Variants in NBAS observed in about 807,000 individuals in gnomAD.
NBAS encodes NBAS subunit of NRZ tethering complex.
In NBAS, 219 loss-of-function variants were observed where a neutral mutation model predicts 302.5. The ratio of observed to expected loss-of-function variants is 0.72; its 90% confidence interval spans 0.65 to 0.81. NBAS has a LOEUF of 0.81. NBAS is among the 30% of genes least tolerant of loss of function. The pLI is 0.00. For missense variants in NBAS, 2,932 were observed against 2,841.6 expected, an observed-to-expected ratio of 1.03 and a Z score of -0.72; for synonymous variants, 1,118 against 1,021.6, an observed-to-expected ratio of 1.09 and a Z score of -1.80.
the NBAS span, among the ~76,000 whole-genome samples, chr2:15,005,399 T>C: frequency 1.3e-5 from 2 of 152,218 alleles, no homozygotes; most frequent in Admixed American, 6.5e-5. Flanking sequence ...GGAAGAGCGA[T>C]TCATTTAGTT....
chr2:14,897,034 G>A, the NBAS span, among the ~76,000 whole-genome samples: 2 of 151,382 alleles, frequency 1.3e-5, no homozygotes, highest in Non-Finnish European at 2.9e-5. Context: ...GCAGTAATTC[G>A]TGAGCCCCTA....
At chr2:15,315,346 C>G (rs560976973) in intron 38 of NBAS, among the ~76,000 whole-genome samples, 1 of 151,978 alleles carries the variant, frequency 6.6e-6, no homozygotes, top group African/African-American at 2.4e-5. Context: ...CAGGAGTGTA[C>G]GGGAGTGAAC....
chr2:14,957,693 G>T, the NBAS span, among the ~76,000 whole-genome samples: 1 of 152,094 alleles, frequency 6.6e-6, no homozygotes, highest in Non-Finnish European at 1.5e-5. Context: ...CGTCTTCCTT[G>T]CTCCTTGGCT....
chr2:15,388,269 A>G (rs1473969203), intron 28 of NBAS, among the ~76,000 whole-genome samples: 1 of 152,146 alleles, frequency 6.6e-6, no homozygotes, highest in Non-Finnish European at 1.5e-5. Context: ...TTTTGATACT[A>G]TTATAAAGTT....
chr2:15,391,649 G>C (rs1004496841), intron 28 of NBAS, among the ~76,000 whole-genome samples: 1 of 151,946 alleles, frequency 6.6e-6, no homozygotes, highest in African/African-American at 2.4e-5. Context: ...TTTCCAAGTT[G>C]GATGGAAACT....
intron 44 of NBAS, among the ~76,000 whole-genome samples, chr2:15,273,919 CAA>C (rs540948990): frequency 1.4e-5 from 2 of 140,676 alleles, no homozygotes; most frequent in South Asian, 2.3e-4. Flanking sequence ...ACTAAAAATA[CAA>C]AAAAAAAAAA....
chr2:14,850,266 A>C, the NBAS span, among the ~76,000 whole-genome samples: 2 of 127,966 alleles, frequency 1.6e-5, 1 homozygote, highest in Non-Finnish European at 3.1e-5. Context: ...AAAAAAAGGC[A>C]GGGGTTGCAA....
intron 44 of NBAS, among the ~76,000 whole-genome samples, chr2:15,258,177 C>T (rs1319832749): frequency 6.6e-6 from 1 of 152,140 alleles, no homozygotes; most frequent in Non-Finnish European, 1.5e-5. Flanking sequence ...TTATGCCTGT[C>T]TTACATTTAA....
intron 46 of NBAS, among the ~76,000 whole-genome samples, chr2:15,233,703 T>G (rs1321080757): frequency 1.3e-5 from 2 of 152,116 alleles, no homozygotes; most frequent in East Asian, 3.8e-4. Flanking sequence ...ATTCTATATA[T>G]CTCCCTATAT....
the NBAS span, among the ~76,000 whole-genome samples, chr2:15,049,560 C>T: frequency 6.6e-6 from 1 of 152,218 alleles, no homozygotes; most frequent in Admixed American, 6.5e-5. Flanking sequence ...AACAACTCTC[C>T]TCCCAGGATG....
chr2:15,005,664 C>CT, the NBAS span, among the ~76,000 whole-genome samples: 3 of 152,212 alleles, frequency 2.0e-5, no homozygotes, highest in Admixed American at 2.0e-4. Context: ...TCCAGATTCT[C>CT]TTATCAAAGA....
chr2:15,179,211 G>C (rs776518651), intron 50 of NBAS, 95 bp from the exon 51 acceptor site: 1 of 1,584,770 alleles, frequency 6.3e-7, no homozygotes, highest in Non-Finnish European at 8.6e-7. Flanking sequence ...TTCTGTGGTA[G>C]CGTGTGTGTG....
the NBAS span, among the ~76,000 whole-genome samples, chr2:15,057,986 C>T: frequency 2.0e-5 from 3 of 152,300 alleles, no homozygotes; most frequent in Admixed American, 2.0e-4. Flanking sequence ...CACTTCCACA[C>T]TGCTGCTGGG....
chr2:15,404,352 GA>G (rs1378130925), intron 25 of NBAS, among the ~76,000 whole-genome samples: 3 of 152,004 alleles, frequency 2.0e-5, no homozygotes, highest in Non-Finnish European at 4.4e-5. Flanking sequence ...TATATGGTAA[GA>G]AAACATCCCT....
At chr2:14,811,592 C>T in the NBAS span, among the ~76,000 whole-genome samples, 1 of 152,118 alleles carries the variant, frequency 6.6e-6, no homozygotes, top group Non-Finnish European at 1.5e-5. Flanking sequence ...TGCAGCCAAA[C>T]ATCATGCAAT....
chr2:15,328,977 T>C (rs1008288381), intron 36 of NBAS, among the ~76,000 whole-genome samples: 12 of 152,332 alleles, frequency 7.9e-5, no homozygotes, highest in African/African-American at 2.9e-4. Flanking sequence ...AGATGATATA[T>C]GACTGTGTCC....
chr2:15,180,559 G>A (rs565939144), intron 50 of NBAS, among the ~76,000 whole-genome samples: 3 of 152,302 alleles, frequency 2.0e-5, no homozygotes, highest in East Asian at 3.9e-4. Context: ...CTGGCTGGCC[G>A]CATCCTGTGG....
rs1671125163 is a variant in NBAS, at chr2:15,308,368, G to C, written c.4660-15C>G. 1 of 1,613,304 alleles carries C rather than the reference G, an allele frequency of 6.2e-7. No individual in the cohort carries two copies. Among genetic ancestry groups the C allele is most frequent in the African/African-American group, 1.3e-5 (1 of 74,886 alleles). ...GCATCTAACACCTAGGAGGGAACAT[G>C]TTAGAATTAACTCAGCTGAAAGGAA... On this transcript the variant is annotated splice_polypyrimidine_tract_variant and intron_variant, in intron 39 of 51. Transcript: ENST00000281513.
the NBAS span, among the ~76,000 whole-genome samples, chr2:14,924,910 C>T: frequency 3.9e-5 from 6 of 152,300 alleles, no homozygotes; most frequent in East Asian, 9.6e-4. Flanking sequence ...GGTCTCTCAG[C>T]GGTTTCCACC....
Sources: allele counts gnomAD v4.1 joint callset (sites outside exome capture counted in the v4.1 genomes callset), GRCh38; gene constraint gnomAD v4.1.1; transcripts MANE v1.5; gene names NCBI Gene and HGNC (gene_info 2026-07-23, HGNC 2026-07-21).